Variants in TAMALIN observed in about 807,000 individuals in gnomAD.
The protein encoded by TAMALIN is protein TAMALIN.
A neutral mutation model predicts 38.5 loss-of-function variants in TAMALIN; 9 were observed. That is an observed-to-expected ratio of 0.23 (90% CI 0.14 to 0.41). The LOEUF (loss-of-function observed/expected upper bound fraction) is 0.41, where lower values mean the gene tolerates loss of function less well. Ranked by LOEUF, TAMALIN falls within the 10% of genes least tolerant of loss-of-function variation. The pLI, the probability that TAMALIN is intolerant of heterozygous loss-of-function variation, is 1.00. For synonymous variants in TAMALIN, 306 were observed against 256.5 expected (o/e 1.19, Z -1.85); for missense variants, 548 against 554.1 (o/e 0.99, Z 0.11).
Position 52,015,371 on chromosome 12 carries a change from G to C in TAMALIN, c.*172G>C. 1.3e-6 allele frequency: 1 copy of C among 765,188 alleles called. No homozygotes were observed. The highest frequency in any genetic ancestry group is 1.9e-6 in the Non-Finnish European group (1 of 514,788). The allele number at this position is 765,188 out of a possible 1,614,324, so 47.4% of individuals were successfully genotyped here. ...CTGGTGTCTGCTGAGGGAGTGGGGG[G>C]CCCAGCCCCTTCTCTTCTCCCCCGC... On this transcript the variant is annotated 3_prime_UTR_variant, in exon 8 of 8. Transcript: ENST00000293662.
In TAMALIN at chr12:52,011,444, C is replaced by A; in HGVS notation, c.454+303C>A. On this transcript the variant is annotated intron_variant, in intron 4 of 7. Coordinates refer to ENST00000293662, the MANE Select transcript of TAMALIN (RefSeq NM_181711.4). The surrounding 1 kb of genome is among the most constrained non-coding windows in gnomAD (Gnocchi z 5.3). ...TTAATGGTGGATGATGCTGCTGCTGCTCTGATTCCTCCCAGCAACCCTGGC... is the reference window on the plus strand; with the variant it reads ...TTAATGGTGGATGATGCTGCTGCTGATCTGATTCCTCCCAGCAACCCTGGC... 1 of 583,208 alleles carries A rather than the reference C, an allele frequency of 1.7e-6. No homozygotes were observed. Among genetic ancestry groups the A allele is most frequent in the Non-Finnish European group, 3.1e-6 (1 of 326,248 alleles). 36.1% of individuals were successfully genotyped at this position (583,208 alleles called of 1,614,324 possible). A position where few individuals can be genotyped will look rare whatever the true frequency, so the allele number is the denominator to read the frequency against.
chr12:52,007,525 C>T lies in TAMALIN; in HGVS notation c.246+260C>T, dbSNP rs1195014081. 2 of 983,484 alleles carry T rather than the reference C, an allele frequency of 2.0e-6. No homozygotes were observed. The highest frequency in any genetic ancestry group is 2.4e-6 in the Non-Finnish European group (2 of 828,332). The allele number at this position is 983,484 out of a possible 1,614,324, so 60.9% of individuals were successfully genotyped here. The stretch of plus-strand genomic sequence containing the variant: ...TCTCCCTCCTTGACTCCTCCCAGCA[C>T]CCCCCTTCTCCTACCCGCTCCATCT... On this transcript the variant is annotated intron_variant, in intron 1 of 7. Transcript: ENST00000293662. This position sits in a 1 kb window ranked among gnomAD's most constrained non-coding sequence, Gnocchi z 6.7.
chr12:52,009,154 G>A lies in TAMALIN; in HGVS notation c.247-36G>A, dbSNP rs146028330. 1.6e-4 allele frequency: 262 copies of A among 1,609,906 alleles called. 1 individual carries two copies. In the African/African-American group the frequency reaches 1.8e-3, roughly 11 times the overall value. ...TCAGTGTCTGCTCAAGGACAGTCCC[G>A]CCTTACCTGCTCCTTCTGACCATCT... On this transcript the variant is annotated intron_variant, in intron 1 of 7. Coordinates refer to ENST00000293662, the MANE Select transcript of TAMALIN (RefSeq NM_181711.4).
Position 52,007,029 on chromosome 12 carries a change from C to T in TAMALIN, c.10C>T (p.Arg4Cys). Reference sequence around the variant, plus strand: ...GTCCGGCGCCGGAGCCATGACCCTCCGCCGACTCAGGAAGCTGCAGCAGAA... The same window carrying T: ...GTCCGGCGCCGGAGCCATGACCCTCTGCCGACTCAGGAAGCTGCAGCAGAA... Reference protein sequence around the residue: MTLRRLRKLQQKEE... With the variant: MTLCRLRKLQQKEE... Residue 4 changes from arginine (R) to cysteine (C), a missense_variant, in exon 1 of 8, where the codon CGC becomes TGC. This residue lies in a region of TAMALIN where 128 missense variants were observed against 117.9 expected (regional missense o/e 1.09). Transcript: ENST00000293662. The surrounding 1 kb of genome is among the most constrained non-coding windows in gnomAD (Gnocchi z 6.7). The T allele has an allele frequency of 7.0e-7, 1 of 1,436,652 alleles. No homozygotes were observed. The highest frequency in any genetic ancestry group is 1.4e-5 in the South Asian group (1 of 70,986). The allele number at this position is 1,436,652 out of a possible 1,614,324, so 89.0% of individuals were successfully genotyped here.
At chr12:52,012,506 G>C (rs539436372) in intron 4 of TAMALIN, among the ~76,000 whole-genome samples, 1 of 152,030 alleles carries the variant, frequency 6.6e-6, no homozygotes. Context: ...CACCCGCCTC[G>C]GCCTCCCAAA....
chr12:52,010,531 G>T (rs1942485259), intron 2 of TAMALIN: 3 of 1,137,066 alleles, frequency 2.6e-6, no homozygotes, highest in Non-Finnish European at 2.2e-6. Flanking sequence ...GAGGCTCCAG[G>T]CTGTGGCTGA....
At chr12:52,013,446 T>C in intron 4 of TAMALIN, 2 of 499,072 alleles carry the variant, frequency 4.0e-6, no homozygotes. Flanking sequence ...GCTGGGGTGC[T>C]GGGCGTGGAC....
intron 1 of TAMALIN, chr12:52,008,029 G>A (rs528053282): frequency 5.4e-5 from 53 of 985,406 alleles, no homozygotes; most frequent in Non-Finnish European, 6.1e-5. Flanking sequence ...TCACCCAGCC[G>A]CCCTCCTTCG....
At chr12:52,014,463 G>T in intron 7 of TAMALIN, 1 of 598,944 alleles carries the variant, frequency 1.7e-6, no homozygotes, top group East Asian at 2.8e-5. Flanking sequence ...CAAAGAGTTT[G>T]TGTCAATTAT....
intron 7 of TAMALIN, 136 bp downstream of exon 7, chr12:52,014,337 G>C (rs550211341): frequency 1.4e-5 from 11 of 761,632 alleles, no homozygotes. Context: ...GGTTTGTTGA[G>C]CTACTACTAC....
Position 52,011,258 on chromosome 12 carries a change from A to C in TAMALIN, c.454+117A>C. 1 of 1,540,298 alleles carries C rather than the reference A, an allele frequency of 6.5e-7. No individual in the cohort carries two copies. The highest frequency in any genetic ancestry group is 8.8e-7 in the Non-Finnish European group (1 of 1,142,780). On this transcript the variant is annotated intron_variant, in intron 4 of 7. Transcript: ENST00000293662. The surrounding 1 kb of genome is among the most constrained non-coding windows in gnomAD (Gnocchi z 5.3). ...TCCTCTTCCTTTTCCTTCTTTGAGA[A>C]GGCCAGAAAGAAGAATGGATAGAAT...
rs1233681818 is a variant in TAMALIN at position 52,007,357 on chromosome 12, C to T, written c.246+92C>T. ...TCCGCAGTGCCCTCTCCTCGGCGTC[C>T]GCGGAGTCCCCCACCTTCTTCCCCG... is the stretch of plus-strand genomic sequence containing the variant. On this transcript the variant is annotated intron_variant, in intron 1 of 7. Coordinates refer to ENST00000293662, the MANE Select transcript of TAMALIN (RefSeq NM_181711.4). This position sits in a 1 kb window ranked among gnomAD's most constrained non-coding sequence, Gnocchi z 6.7. 7.8e-7 allele frequency: 1 copy of T among 1,288,218 alleles called. No individual in the cohort carries two copies. The highest frequency in any genetic ancestry group is 9.8e-7 in the Non-Finnish European group (1 of 1,018,062). The allele number at this position is 1,288,218 out of a possible 1,614,324, so 79.8% of individuals were successfully genotyped here.
In TAMALIN at chr12:52,007,142, C is replaced by T. The variant is rs1472569401; in HGVS notation, c.123C>T (p.Pro41=). The T allele has an allele frequency of 1.3e-6, 2 of 1,489,012 alleles. No homozygotes were observed. Among genetic ancestry groups the T allele is most frequent in the East Asian group, 2.9e-5 (1 of 34,250 alleles). The allele number at this position is 1,489,012 out of a possible 1,614,324, so 92.2% of individuals were successfully genotyped here. A position where few individuals can be genotyped will look rare whatever the true frequency, so the allele number is the denominator to read the frequency against. Residue 41 remains proline (P), a synonymous_variant, in exon 1 of 8, where the codon CCC becomes CCT. Coordinates refer to ENST00000293662, the MANE Select transcript of TAMALIN (RefSeq NM_181711.4). This position sits in a 1 kb window ranked among gnomAD's most constrained non-coding sequence, Gnocchi z 6.7. ...CCGCTCCGGTCCCGACCCCGGGACC[C>T]CCTGCCGCAGCCGCCACCCCTGGGC... ...APAAPVPTPG[P]PAAAATPGPP...
chr12:52,009,466 C>T (rs1942464577), intron 2 of TAMALIN, among the ~76,000 whole-genome samples: 1 of 152,222 alleles, frequency 6.6e-6, no homozygotes, highest in Admixed American at 6.5e-5. Flanking sequence ...AACACACCCC[C>T]AGTCCCTGCC....
chr12:52,014,002 T>TG (rs960776788), intron 6 of TAMALIN, 59 bp downstream of exon 6: 13 of 1,581,498 alleles, frequency 8.2e-6, no homozygotes, highest in African/African-American at 5.4e-5. Flanking sequence ...CTCTGCCCTG[T>TG]GGGGGGTCAC....
chr12:52,009,082 T>G, intron 1 of TAMALIN, 108 bp from the exon 2 acceptor site: 1 of 1,050,434 alleles, frequency 9.5e-7, no homozygotes, highest in Non-Finnish European at 1.5e-6. Context: ...GATGTGGAGC[T>G]GGGAAGGGGC....
chr12:52,014,566 C>A, intron 7 of TAMALIN, 128 bp from the exon 8 acceptor site: 2 of 716,556 alleles, frequency 2.8e-6, no homozygotes, highest in Non-Finnish European at 4.5e-6. Flanking sequence ...CAGGTTTGTG[C>A]CTGGCCAGGG....
intron 1 of TAMALIN, chr12:52,008,484 A>T: frequency 1.0e-6 from 1 of 985,286 alleles, no homozygotes; most frequent in Non-Finnish European, 1.2e-6. Context: ...TTGACATCTA[A>T]GATGTTTTGT....
Position 52,014,779 on chromosome 12 carries a change from G to C in TAMALIN, c.768G>C (p.Ser256=). ...CLYGAGLLPG[S]LPFGPLLAVP... ...ACGGCGCGGGCCTGCTCCCGGGCTCGCTGCCCTTCGGGCCTCTGCTCGCCG... is the reference window on the plus strand; with the variant it reads ...ACGGCGCGGGCCTGCTCCCGGGCTCCCTGCCCTTCGGGCCTCTGCTCGCCG... The change falls in exon 8 of 8, where the codon TCG becomes TCC. Residue 256 remains serine, a synonymous_variant. Transcript: ENST00000293662. 1 of 1,464,196 alleles carries C rather than the reference G, an allele frequency of 6.8e-7. No individual in the cohort carries two copies. Among genetic ancestry groups the C allele is most frequent in the Non-Finnish European group, 9.0e-7 (1 of 1,116,438 alleles). The allele number at this position is 1,464,196 out of a possible 1,614,324, so 90.7% of individuals were successfully genotyped here.
Sources: gnomAD v4.1 joint callset for allele counts (sites outside exome capture counted in the v4.1 genomes callset) on GRCh38, gnomAD v4.1.1 for gene constraint, gnomAD v4.1.1 regional missense constraint, Gnocchi (gnomAD v3.1) non-coding constraint, MANE v1.5 for transcripts, NCBI Gene and HGNC (gene_info 2026-07-23, HGNC 2026-07-21) for gene names.